Variants in GPR55 observed in about 807,000 individuals in gnomAD.
The protein encoded by GPR55 is G-protein coupled receptor 55.
GPR55 carries 6 observed loss-of-function variants against 7.9 expected under a neutral mutation model. That is an observed-to-expected ratio of 0.76 (90% confidence interval 0.41 to 1.49). The LOEUF (loss-of-function observed/expected upper bound fraction) is 1.49. Ranked by LOEUF, GPR55 falls within the 40% of genes most tolerant of loss-of-function variation. The probability of loss-of-function intolerance (pLI) is 0.01; values close to 1 mark genes in which losing one functional copy is unlikely to be tolerated. For synonymous variants in GPR55, 183 were observed against 166.8 expected, an observed-to-expected ratio of 1.10 and a Z score of -0.75; for missense variants, 376 against 406.0, an observed-to-expected ratio of 0.93 and a Z score of 0.63.
intron 1 of GPR55, among the ~76,000 whole-genome samples, chr2:230,953,006 C>A (rs1183357599): frequency 6.6e-6 from 1 of 152,184 alleles, no homozygotes; most frequent in Non-Finnish European, 1.5e-5. Context: ...TCAGCTGGGC[C>A]TTGGGGAATT....
At chr2:230,958,090 A>G in intron 1 of GPR55, 1 of 264,304 alleles carries the variant, frequency 3.8e-6, no homozygotes, top group South Asian at 4.7e-5. Context: ...AAAGAAAGAA[A>G]GGAAGAAAAT....
intron 1 of GPR55, among the ~76,000 whole-genome samples, chr2:230,946,961 C>A (rs1339590701): frequency 1.3e-5 from 2 of 152,182 alleles, no homozygotes; most frequent in Admixed American, 6.5e-5. Flanking sequence ...TAGTGAACCC[C>A]AAAAAGTAAA....
At chr2:230,932,752 C>T (rs534996938) in intron 1 of GPR55, among the ~76,000 whole-genome samples, 47 of 152,204 alleles carry the variant, frequency 3.1e-4, no homozygotes, top group Non-Finnish European at 6.2e-4. Flanking sequence ...CTTGCACCAC[C>T]TCCTCGCTTC....
intron 1 of GPR55, among the ~76,000 whole-genome samples, chr2:230,930,451 TTTTC>T (rs1324337063): frequency 2.0e-5 from 3 of 151,778 alleles, no homozygotes; most frequent in Non-Finnish European, 2.9e-5. Flanking sequence ...TTTGTTTTTC[TTTTC>T]TTTCTTTCTT....
chr2:230,959,870 C>T (rs958959355), intron 1 of GPR55, among the ~76,000 whole-genome samples: 1 of 152,158 alleles, frequency 6.6e-6, no homozygotes, highest in Non-Finnish European at 1.5e-5. Context: ...AAGTTATCTA[C>T]AATGCACATG....
intron 1 of GPR55, among the ~76,000 whole-genome samples, chr2:230,921,604 C>T (rs1183587931): frequency 6.6e-6 from 1 of 152,092 alleles, no homozygotes; most frequent in African/African-American, 2.4e-5. Flanking sequence ...TGTAAAGAAA[C>T]AATATTTATA....
chr2:230,943,130 C>A (rs149586351), intron 1 of GPR55, among the ~76,000 whole-genome samples: 1 of 148,044 alleles, frequency 6.8e-6, no homozygotes, highest in Non-Finnish European at 1.5e-5. Context: ...AGAGAGAGAG[C>A]GCTCTCTGTA....
upstream of GPR55, among the ~76,000 whole-genome samples, chr2:230,928,828 G>A (rs1359463849): frequency 1.3e-5 from 2 of 152,206 alleles, no homozygotes; most frequent in African/African-American, 4.8e-5. Context: ...AGGAAGATGA[G>A]CAGCACCTGC....
intron 1 of GPR55, among the ~76,000 whole-genome samples, chr2:230,938,663 G>A (rs1222846045): frequency 6.6e-6 from 1 of 152,174 alleles, no homozygotes; most frequent in Non-Finnish European, 1.5e-5. Flanking sequence ...GGCTGTCCTG[G>A]AGGCTGGAGC....
chr2:230,947,964 C>T (rs1048383932), intron 1 of GPR55, among the ~76,000 whole-genome samples: 63 of 152,288 alleles, frequency 4.1e-4, no homozygotes, highest in Admixed American at 7.2e-4. Flanking sequence ...CACCAGGCCA[C>T]GGTGGCTTTG....
chr2:230,927,309 T>A (rs1334887078), upstream of GPR55, among the ~76,000 whole-genome samples: 1 of 152,148 alleles, frequency 6.6e-6, no homozygotes, highest in Non-Finnish European at 1.5e-5. Context: ...CCTGTGGGTA[T>A]CCCTTGGATA....
chr2:230,929,102 C>G (rs552316784), upstream of GPR55, among the ~76,000 whole-genome samples: 2 of 152,304 alleles, frequency 1.3e-5, no homozygotes, highest in South Asian at 4.2e-4. Flanking sequence ...GATCCCCCAC[C>G]TCGGCCTCCC....
At chr2:230,916,627 G>T (rs981661220) in intron 1 of GPR55, among the ~76,000 whole-genome samples, 5 of 152,102 alleles carry the variant, frequency 3.3e-5, no homozygotes, top group Non-Finnish European at 5.9e-5. Flanking sequence ...GTTGTAGGGG[G>T]TGGGGACAAT....
At chr2:230,913,614 G>A (rs1213212357) in intron 1 of GPR55, among the ~76,000 whole-genome samples, 1 of 151,500 alleles carries the variant, frequency 6.6e-6, no homozygotes, top group Admixed American at 6.6e-5. Flanking sequence ...GTGCCTCCTA[G>A]GGGTGTGTAG....
Position 230,910,993 on chromosome 2 carries a change from G to T in GPR55, c.-31C>A, listed in dbSNP as rs371153204. On this transcript the variant is annotated 5_prime_UTR_variant, in exon 2 of 2. Coordinates refer to ENST00000650999, the MANE Select transcript of GPR55 (RefSeq NM_005683.4). This position sits in a 1 kb window ranked among gnomAD's most constrained non-coding sequence, Gnocchi z 5.4. ...TTCCTACAACACCAACAGATCAGAC[G>T]GGGCTCCTTTCACTCTCTTGAAGTG... 5.1e-6 allele frequency: 8 copies of T among 1,563,102 alleles called. No individual in the cohort carries two copies. The highest frequency in any genetic ancestry group is 1.8e-5 in the Admixed American group (1 of 56,694).
chr2:230,957,533 G>T (rs1691510188), intron 1 of GPR55: 3 of 367,540 alleles, frequency 8.2e-6, no homozygotes, highest in South Asian at 2.2e-5. Flanking sequence ...GCGGCTGGCC[G>T]GTCTTCCTTC....
upstream of GPR55, among the ~76,000 whole-genome samples, chr2:230,926,394 C>T (rs373363409): frequency 1.1e-4 from 17 of 152,326 alleles, no homozygotes; most frequent in East Asian, 7.7e-4. Flanking sequence ...GGCAGTCCTG[C>T]CCCCAGCGAG....
intron 1 of GPR55, among the ~76,000 whole-genome samples, chr2:230,955,165 G>A (rs998082851): frequency 3.3e-5 from 5 of 152,156 alleles, no homozygotes; most frequent in African/African-American, 7.2e-5. Flanking sequence ...CATCTACTTT[G>A]AGTGGCAAAG....
intron 1 of GPR55, among the ~76,000 whole-genome samples, chr2:230,914,057 G>A (rs771039784): frequency 5.3e-5 from 8 of 152,190 alleles, no homozygotes; most frequent in South Asian, 2.1e-4. Flanking sequence ...AGCTGTTACC[G>A]GCCAACTGCA....
Sources: allele counts gnomAD v4.1 joint callset (sites outside exome capture counted in the v4.1 genomes callset), GRCh38; gene constraint gnomAD v4.1.1; non-coding constraint Gnocchi (gnomAD v3.1); transcripts MANE v1.5; gene names NCBI Gene and HGNC (gene_info 2026-07-23, HGNC 2026-07-21).